Variants in RBP7 observed in about 807,000 individuals in gnomAD.
RBP7 encodes retinoid-binding protein 7.
Under a neutral mutation model 16.7 loss-of-function variants are expected in RBP7, and 13 were observed. The ratio of observed to expected loss-of-function variants is 0.78; its 90% CI spans 0.51 to 1.24. RBP7 has a LOEUF of 1.24. RBP7 is among the 50% of genes most tolerant of loss of function. RBP7 has a pLI of 0.00. For missense variants in RBP7, 145 were observed against 159.5 expected, an observed-to-expected ratio of 0.91 and a Z score of 0.49; for synonymous variants, 54 against 56.2, an observed-to-expected ratio of 0.96 and a Z score of 0.17.
chr1:10,010,964 G>A lies in RBP7; in HGVS notation c.354+2690G>A, dbSNP rs190320880. 6.2e-4 allele frequency among the ~76,000 whole-genome samples: 94 copies of A among 152,210 alleles called. No individual in the cohort carries two copies. In the East Asian group the frequency reaches 7.6e-3, roughly 12 times the overall value. On this transcript the variant is annotated intron_variant, in intron 3 of 3. Transcript: ENST00000294435. ...GGCTGGTCTCGAATTCCTGACCTCA[G>A]GTGATCTGCCCGCCTTGGCCTCCCA...
chr1:10,001,515 C>T (rs1642277346), intron 1 of RBP7, among the ~76,000 whole-genome samples: 1 of 152,026 alleles, frequency 6.6e-6, no homozygotes, highest in South Asian at 2.1e-4. Context: ...CTGTGTTGTC[C>T]AGGCTGGTCT....
At chr1:10,000,244 G>A (rs975976547) in intron 1 of RBP7, among the ~76,000 whole-genome samples, 1 of 150,482 alleles carries the variant, frequency 6.6e-6, no homozygotes, top group Non-Finnish European at 1.5e-5. Flanking sequence ...AAATAATTAA[G>A]CTAGCAGACT....
chr1:10,007,518 C>A, intron 1 of RBP7, 52 bp from the exon 2 acceptor site: 4 of 1,321,126 alleles, frequency 3.0e-6, no homozygotes, highest in South Asian at 1.4e-5. Context: ...CCAAATTCTT[C>A]ACTTTTGTAT....
intron 3 of RBP7, among the ~76,000 whole-genome samples, chr1:10,009,240 T>C (rs954066320): frequency 4.6e-5 from 7 of 151,954 alleles, no homozygotes; most frequent in African/African-American, 1.7e-4. Flanking sequence ...TGAAACCCCG[T>C]CTCTACTAAA....
intron 1 of RBP7, among the ~76,000 whole-genome samples, chr1:9,998,015 T>C (rs995279303): frequency 6.6e-6 from 1 of 152,218 alleles, no homozygotes; most frequent in Non-Finnish European, 1.5e-5. Flanking sequence ...CCCCGCGCTG[T>C]GCTTCCCGCC....
Position 9,997,351 on chromosome 1 carries a change from G to A in RBP7, c.73+20G>A. 1 of 1,607,446 alleles carries A rather than the reference G, an allele frequency of 6.2e-7. No homozygotes were observed. The highest frequency in any genetic ancestry group is 8.5e-7 in the Non-Finnish European group (1 of 1,177,264). ...CCCTAGGTAAGGCGGAGGGGAGGCG[G>A]CGGCGGCGCGAGGCTCGCCGTGGGT... On this transcript the variant is annotated intron_variant, in intron 1 of 3. Coordinates refer to ENST00000294435, the MANE Select transcript of RBP7 (RefSeq NM_052960.3). This position sits in a 1 kb window ranked among gnomAD's most constrained non-coding sequence, Gnocchi z 5.9.
chr1:10,011,230 C>T (rs1642607910), intron 3 of RBP7, among the ~76,000 whole-genome samples: 1 of 151,872 alleles, frequency 6.6e-6, no homozygotes, highest in African/African-American at 2.4e-5. Context: ...TCTTAGACAA[C>T]GTGATAGTCA....
At chr1:10,008,973 A>G (rs566500155) in intron 3 of RBP7, among the ~76,000 whole-genome samples, 16 of 152,164 alleles carry the variant, frequency 1.1e-4, no homozygotes, top group Non-Finnish European at 1.5e-4. Context: ...TTTGGGCCCA[A>G]TTACTGTGCT....
intron 3 of RBP7, 65 bp downstream of exon 3, chr1:10,008,339 G>A: frequency 1.9e-6 from 2 of 1,067,278 alleles, no homozygotes; most frequent in East Asian, 4.9e-5. Flanking sequence ...GGCCAAGCGT[G>A]GTGGCTCACA....
At chr1:10,004,360 G>C (rs1291126341) in intron 1 of RBP7, 1 of 149,262 alleles carries the variant, frequency 6.7e-6, no homozygotes, top group African/African-American at 2.5e-5. Context: ...ATGAGCCACT[G>C]CGCCCAGCCA....
intron 1 of RBP7, among the ~76,000 whole-genome samples, chr1:10,004,708 T>A (rs1029760141): frequency 1.2e-4 from 18 of 152,130 alleles, no homozygotes; most frequent in Non-Finnish European, 2.4e-4. Flanking sequence ...TAGTCTAAAG[T>A]TATTGGGTTT....
Position 10,007,746 on chromosome 1 carries a change from A to C in RBP7, c.250A>C (p.Lys84Gln). ...CAGAGGCCTGGACAACAGAAAATGC[A>C]AGGTAAAATGTAAAGAAATGCCAGG... ...DNRGLDNRKC[K>Q]SLVIWDNDRL... Residue 84 changes from lysine (K) to glutamine (Q), a missense_variant and splice_region_variant, in exon 2 of 4, where the codon AAG becomes CAG. Coordinates refer to ENST00000294435, the MANE Select transcript of RBP7 (RefSeq NM_052960.3). The C allele has an allele frequency of 6.2e-7, 1 of 1,611,106 alleles. No homozygotes were observed.
At chr1:10,004,606 C>T (rs959561838) in intron 1 of RBP7, among the ~76,000 whole-genome samples, 5 of 152,126 alleles carry the variant, frequency 3.3e-5, no homozygotes, top group South Asian at 2.1e-4. Flanking sequence ...TTGGTCTGCC[C>T]GCCTCGGCCT....
intron 3 of RBP7, 124 bp from the exon 4 acceptor site, chr1:10,015,658 A>G: frequency 1.3e-6 from 1 of 772,168 alleles, no homozygotes; most frequent in Non-Finnish European, 2.2e-6. Context: ...GTGAGACCCC[A>G]TCTCATAAAA....
chr1:10,009,227 T>C (rs534174193), intron 3 of RBP7, among the ~76,000 whole-genome samples: 2 of 152,032 alleles, frequency 1.3e-5, no homozygotes, highest in Admixed American at 6.6e-5. Flanking sequence ...CTGGCCAACA[T>C]GGTGAAACCC....
chr1:10,015,067 G>T (rs1398489418), intron 3 of RBP7, among the ~76,000 whole-genome samples: 1 of 152,102 alleles, frequency 6.6e-6, no homozygotes, highest in Admixed American at 6.6e-5. Context: ...TTGAGAGTAG[G>T]CCAGGTGTGG....
chr1:10,002,160 C>T (rs904477486), intron 1 of RBP7, among the ~76,000 whole-genome samples: 1 of 152,116 alleles, frequency 6.6e-6, no homozygotes, highest in Non-Finnish European at 1.5e-5. Flanking sequence ...CCCTTCTTGC[C>T]TTCAACCCAC....
chr1:9,997,430 G>T lies in RBP7; in HGVS notation c.73+99G>T, dbSNP rs547538287. ...GGGCCTGTAGGTACGTCCTCTGTCC[G>T]TGCCTCCGCCCTGCTGCGCCCACCG... On this transcript the variant is annotated intron_variant, in intron 1 of 3. Coordinates refer to ENST00000294435, the MANE Select transcript of RBP7 (RefSeq NM_052960.3). The surrounding 1 kb of genome is among the most constrained non-coding windows in gnomAD (Gnocchi z 5.9). 6.5e-4 allele frequency: 765 copies of T among 1,175,154 alleles called. 1 individual carries two copies. The highest frequency in any genetic ancestry group is 8.2e-4 in the Non-Finnish European group (662 of 807,230). 72.8% of individuals were successfully genotyped at this position (1,175,154 alleles called of 1,614,324 possible).
chr1:10,006,850 C>T (rs1003175009), intron 1 of RBP7: 5 of 343,538 alleles, frequency 1.5e-5, no homozygotes, highest in African/African-American at 9.0e-5. Flanking sequence ...TGTTCAAATG[C>T]TCTCTTAATT....
Sources: allele counts gnomAD v4.1 joint callset (sites outside exome capture counted in the v4.1 genomes callset), GRCh38; gene constraint gnomAD v4.1.1; non-coding constraint Gnocchi (gnomAD v3.1); transcripts MANE v1.5; gene names NCBI Gene and HGNC (gene_info 2026-07-23, HGNC 2026-07-21).